CADM2: variants seen among roughly 807,000 people sequenced by gnomAD.
CADM2 encodes cell adhesion molecule 2.
A neutral mutation model predicts 49.8 loss-of-function variants in CADM2; 12 were observed. That is an observed-to-expected ratio of 0.24 (90% CI 0.15 to 0.39). The LOEUF (loss-of-function observed/expected upper bound fraction) is 0.39. Ranked by LOEUF, CADM2 falls within the 10% of genes least tolerant of loss-of-function variation. The pLI, the probability that CADM2 is intolerant of heterozygous loss-of-function variation, is 1.00. For missense variants in CADM2, 378 were observed against 492.3 expected, an observed-to-expected ratio of 0.77 and a Z score of 2.20; for synonymous variants, 214 against 175.4, an observed-to-expected ratio of 1.22 and a Z score of -1.74.
chr3:85,407,100 T>A (rs2035419702), intron 1 of CADM2, among the ~76,000 whole-genome samples: 2 of 151,872 alleles, frequency 1.3e-5, no homozygotes, highest in South Asian at 4.1e-4. Context: ...TACTGGAAAG[T>A]CTAAGGTGGG....
intron 2 of CADM2, among the ~76,000 whole-genome samples, chr3:85,754,407 C>A (rs1229685087): frequency 2.6e-5 from 4 of 152,152 alleles, no homozygotes; most frequent in Non-Finnish European, 5.9e-5. Flanking sequence ...AACTAGCTAC[C>A]TACTCTAACA....
intron 1 of CADM2, among the ~76,000 whole-genome samples, chr3:85,651,787 G>A (rs1389621883): frequency 6.6e-6 from 1 of 150,600 alleles, no homozygotes; most frequent in African/African-American, 2.4e-5. Flanking sequence ...ACTTGATTAT[G>A]TTAATCTATC....
intron 1 of CADM2, among the ~76,000 whole-genome samples, chr3:84,981,698 T>C (rs2032192076): frequency 6.6e-6 from 1 of 152,116 alleles, no homozygotes; most frequent in Non-Finnish European, 1.5e-5. Flanking sequence ...CCATTCTTTC[T>C]TCTTTAAATC....
intron 1 of CADM2, among the ~76,000 whole-genome samples, chr3:85,463,671 G>A (rs1032471545): frequency 6.6e-6 from 1 of 152,118 alleles, no homozygotes; most frequent in African/African-American, 2.4e-5. Flanking sequence ...GCATAGATAT[G>A]TTCTTTGACT....
chr3:85,812,090 A>C (rs2072918707), intron 3 of CADM2, among the ~76,000 whole-genome samples: 1 of 152,078 alleles, frequency 6.6e-6, no homozygotes, highest in Non-Finnish European at 1.5e-5. Context: ...TAAAATATGG[A>C]TTTTGGCATC....
intron 1 of CADM2, among the ~76,000 whole-genome samples, chr3:85,314,458 A>G (rs1456853301): frequency 6.6e-6 from 1 of 152,072 alleles, no homozygotes; most frequent in African/African-American, 2.4e-5. Flanking sequence ...GTGCTATTTA[A>G]TAGTTACATT....
At chr3:85,365,158 C>G (rs1467800200) in intron 1 of CADM2, among the ~76,000 whole-genome samples, 1 of 112,700 alleles carries the variant, frequency 8.9e-6, no homozygotes, top group African/African-American at 3.4e-5. Context: ...CCTAGACATT[C>G]TTGGTGGGTC....
chr3:85,947,300 A>C (rs945024984), intron 7 of CADM2, among the ~76,000 whole-genome samples: 3 of 151,664 alleles, frequency 2.0e-5, no homozygotes, highest in African/African-American at 7.3e-5. Flanking sequence ...GATAAACATA[A>C]TGATTGTCTC....
chr3:85,302,783 T>A (rs1442799433), intron 1 of CADM2, among the ~76,000 whole-genome samples: 1 of 151,946 alleles, frequency 6.6e-6, no homozygotes, highest in East Asian at 1.9e-4. Context: ...TTTTTCTTCT[T>A]CAACAGCTAT....
chr3:86,059,956 T>C (rs1234529501), intron 8 of CADM2, among the ~76,000 whole-genome samples: 1 of 152,174 alleles, frequency 6.6e-6, no homozygotes, highest in Non-Finnish European at 1.5e-5. Context: ...GTAACTTTTC[T>C]CATATCCATA....
intron 1 of CADM2, among the ~76,000 whole-genome samples, chr3:84,989,310 T>G (rs1196910919): frequency 6.6e-6 from 1 of 152,196 alleles, no homozygotes; most frequent in Non-Finnish European, 1.5e-5. Context: ...GGTTTCATTA[T>G]AGTTGACCTT....
At chr3:85,013,020 A>G (rs2034070219) in intron 1 of CADM2, among the ~76,000 whole-genome samples, 1 of 151,890 alleles carries the variant, frequency 6.6e-6, no homozygotes, top group African/African-American at 2.4e-5. Flanking sequence ...GTCTTTTTTA[A>G]GCATTGATAT....
intron 3 of CADM2, among the ~76,000 whole-genome samples, chr3:85,851,142 T>A (rs926128726): frequency 6.6e-6 from 1 of 152,192 alleles, no homozygotes; most frequent in Non-Finnish European, 1.5e-5. Flanking sequence ...ATTTTAATTG[T>A]GTAGTTTAAA....
At chr3:85,326,259 T>G (rs969365544) in intron 1 of CADM2, among the ~76,000 whole-genome samples, 1 of 152,118 alleles carries the variant, frequency 6.6e-6, no homozygotes, top group South Asian at 2.1e-4. Context: ...TGTATTGTTT[T>G]TCTAGTGAAA....
intron 1 of CADM2, among the ~76,000 whole-genome samples, chr3:85,708,580 G>T (rs1175050735): frequency 6.6e-6 from 1 of 152,094 alleles, no homozygotes; most frequent in Admixed American, 6.6e-5. Flanking sequence ...AAGCAAAATG[G>T]ATCACTGTAA....
intron 1 of CADM2, among the ~76,000 whole-genome samples, chr3:85,558,893 C>T (rs1407473540): frequency 6.6e-6 from 1 of 152,034 alleles, no homozygotes; most frequent in Non-Finnish European, 1.5e-5. Flanking sequence ...AACCAGATCT[C>T]TTGTGTATAA....
intron 1 of CADM2, among the ~76,000 whole-genome samples, chr3:85,065,328 A>C (rs2036488727): frequency 6.6e-6 from 1 of 152,218 alleles, no homozygotes; most frequent in Non-Finnish European, 1.5e-5. Flanking sequence ...TTTAAAATAT[A>C]TTGGGTTGCT....
At chr3:85,128,795 GAAAT>G (rs2039122448) in intron 1 of CADM2, among the ~76,000 whole-genome samples, 1 of 152,116 alleles carries the variant, frequency 6.6e-6, no homozygotes, top group Admixed American at 6.6e-5. Context: ...ATTGCTGTAA[GAAAT>G]AAAAGCAGAG....
chr3:85,845,129 C>T (rs2074819072), intron 3 of CADM2, among the ~76,000 whole-genome samples: 1 of 145,310 alleles, frequency 6.9e-6, no homozygotes, highest in Non-Finnish European at 1.5e-5. Flanking sequence ...GCACTTCAGC[C>T]TGAGTGACAA....
Sources: gnomAD v4.1 joint callset for allele counts (sites outside exome capture counted in the v4.1 genomes callset) on GRCh38, gnomAD v4.1.1 for gene constraint, MANE v1.5 for transcripts, NCBI Gene and HGNC (gene_info 2026-07-23, HGNC 2026-07-21) for gene names.